FOXP1: variants seen among roughly 807,000 people sequenced by gnomAD.
FOXP1 encodes the protein forkhead box protein P1.
Under a neutral mutation model 98.2 loss-of-function variants are expected in FOXP1, and 15 were observed. The ratio of observed to expected loss-of-function variants is 0.15; its 90% CI spans 0.10 to 0.24. FOXP1 has a LOEUF of 0.24. Ranked by LOEUF, FOXP1 falls within the 10% of genes least tolerant of loss-of-function variation. The pLI is 1.00. For synonymous variants in FOXP1, 371 were observed against 314.5 expected, an observed-to-expected ratio of 1.18 and a Z score of -1.90; for missense variants, 633 against 848.5, an observed-to-expected ratio of 0.75 and a Z score of 3.15.
At position 71,193,472 on chromosome 3, in the gene FOXP1, A is replaced by G. The variant is rs1175119371; in HGVS notation, c.180+4730T>C. On this transcript the variant is annotated intron_variant, in intron 6 of 20. Transcript: ENST00000649528. Reference sequence around the variant, plus strand: ...CGTTATTTGTTTTTTTTTTTTAGACATATTCTCACTTTGTCGCCCAGGCTG... The same window carrying G: ...CGTTATTTGTTTTTTTTTTTTAGACGTATTCTCACTTTGTCGCCCAGGCTG... Among the ~76,000 whole-genome samples the G allele has an allele frequency of 4.1e-5, 3 of 72,884 alleles. 1 individual carries two copies. The Admixed American group carries it at 4.3e-4, about 10-fold the overall frequency. The allele number at this position is 72,884 out of a possible 152,430, so 47.8% of individuals were successfully genotyped here.
At chr3:71,459,158 G>T (rs901681298) in intron 3 of FOXP1, among the ~76,000 whole-genome samples, 2 of 152,116 alleles carry the variant, frequency 1.3e-5, no homozygotes, top group Non-Finnish European at 2.9e-5. Flanking sequence ...CACAAATCAA[G>T]GTGCTAGTAG....
chr3:71,358,393 C>T (rs2078316884), intron 4 of FOXP1, among the ~76,000 whole-genome samples: 1 of 152,190 alleles, frequency 6.6e-6, no homozygotes, highest in Admixed American at 6.5e-5. Flanking sequence ...TTCCCCCACA[C>T]TCATTTCGCT....
chr3:71,333,491 T>A (rs1424707377), intron 4 of FOXP1: 1 of 152,178 alleles, frequency 6.6e-6, no homozygotes, highest in East Asian at 1.9e-4. Flanking sequence ...CAAAATGAGC[T>A]AAAAGACATT....
intron 5 of FOXP1, among the ~76,000 whole-genome samples, chr3:71,260,276 C>A (rs557817012): frequency 6.6e-6 from 1 of 152,176 alleles, no homozygotes; most frequent in Non-Finnish European, 1.5e-5. Context: ...AGCCACCGCG[C>A]CCGGCCAACA....
intron 7 of FOXP1, among the ~76,000 whole-genome samples, chr3:71,075,716 G>GT (rs59622548): frequency 1.6e-3 from 227 of 146,204 alleles, no homozygotes; most frequent in South Asian, 3.5e-3. Flanking sequence ...GGTTTTTTTT[G>GT]TTTTTTTTTT....
chr3:71,318,908 T>A (rs1352892365), intron 4 of FOXP1, among the ~76,000 whole-genome samples: 1 of 152,170 alleles, frequency 6.6e-6, no homozygotes, highest in Non-Finnish European at 1.5e-5. Context: ...ACACCATAAA[T>A]TAACATGGTT....
At chr3:71,315,266 T>G (rs1334570303) in intron 4 of FOXP1, among the ~76,000 whole-genome samples, 1 of 152,200 alleles carries the variant, frequency 6.6e-6, no homozygotes, top group South Asian at 2.1e-4. Context: ...AGAACCACTT[T>G]CCAGCCACAC....
intron 4 of FOXP1, among the ~76,000 whole-genome samples, chr3:71,346,871 C>T (rs938516176): frequency 2.6e-5 from 4 of 152,016 alleles, no homozygotes; most frequent in African/African-American, 7.2e-5. Context: ...TGGTGAAACC[C>T]GTCTCTACTA....
intron 18 of FOXP1, 199 bp from the exon 19 acceptor site, chr3:70,971,004 C>G: frequency 1.7e-6 from 1 of 583,382 alleles, no homozygotes; most frequent in Non-Finnish European, 3.1e-6. Context: ...TTGGACTTCT[C>G]TATTCAAGGA....
chr3:71,147,201 C>T (rs1163070939), intron 6 of FOXP1, among the ~76,000 whole-genome samples: 2 of 152,208 alleles, frequency 1.3e-5, no homozygotes, highest in Non-Finnish European at 2.9e-5. Flanking sequence ...CTTCTTGCCC[C>T]CTATAATCTC....
At chr3:71,220,582 T>C (rs1198179593) in intron 5 of FOXP1, among the ~76,000 whole-genome samples, 1 of 149,708 alleles carries the variant, frequency 6.7e-6, no homozygotes, top group African/African-American at 2.5e-5. Flanking sequence ...ACTCTGTCTC[T>C]ATCAAAAATA....
chr3:71,165,340 G>A (rs1019823239), intron 6 of FOXP1, among the ~76,000 whole-genome samples: 3 of 150,326 alleles, frequency 2.0e-5, no homozygotes, highest in South Asian at 4.2e-4. Flanking sequence ...TTTAATGAAC[G>A]TTTACCTCAT....
intron 7 of FOXP1, among the ~76,000 whole-genome samples, chr3:71,062,768 C>CA: frequency 6.6e-6 from 1 of 152,328 alleles, no homozygotes; most frequent in African/African-American, 2.4e-5. Flanking sequence ...GTTCTTAAGG[C>CA]AAACGGGTGA....
chr3:71,100,548 T>C (rs1254528120), intron 7 of FOXP1, among the ~76,000 whole-genome samples: 2 of 152,216 alleles, frequency 1.3e-5, no homozygotes, highest in Non-Finnish European at 2.9e-5. Context: ...GGTGGAGAAC[T>C]TAGGAACGGG....
At chr3:70,980,114 G>GACAC (rs2038559520) in intron 14 of FOXP1, among the ~76,000 whole-genome samples, 1 of 152,140 alleles carries the variant, frequency 6.6e-6, no homozygotes, top group Non-Finnish European at 1.5e-5. Context: ...CTGGCTTTCT[G>GACAC]ACACACATTT....
intron 14 of FOXP1, among the ~76,000 whole-genome samples, chr3:70,979,608 TAAGTCTATTTCACC>T (rs1483114365): frequency 6.6e-6 from 1 of 152,048 alleles, no homozygotes; most frequent in Non-Finnish European, 1.5e-5. Context: ...CTTACCATAG[TAAGTCTATTTCACC>T]AAGTCTAATT....
At chr3:71,383,871 T>C (rs1039247845) in intron 3 of FOXP1, among the ~76,000 whole-genome samples, 3 of 151,954 alleles carry the variant, frequency 2.0e-5, no homozygotes, top group African/African-American at 7.3e-5. Flanking sequence ...GTCAGGCAAT[T>C]TGGAGGTCAT....
At chr3:71,251,125 T>C (rs1044617763) in intron 5 of FOXP1, among the ~76,000 whole-genome samples, 1 of 152,200 alleles carries the variant, frequency 6.6e-6, no homozygotes, top group Admixed American at 6.5e-5. Context: ...GTGCACTCTT[T>C]AAGAAGCTAG....
rs546662864 is a variant in FOXP1, at chr3:71,318,417, G to A, written c.-72-18537C>T. ...ACTATTCAATTAATAAATTACTTTG[G>A]TGGACCTTGCAGGCCAAGTCCTATT... On this transcript the variant is annotated intron_variant, in intron 4 of 20. Coordinates refer to ENST00000649528, the MANE Select transcript of FOXP1 (RefSeq NM_001349338.3). Among the ~76,000 whole-genome samples the A allele has an allele frequency of 3.0e-4, 46 of 152,218 alleles. 1 individual carries two copies. In the South Asian group the frequency reaches 9.1e-3, roughly 30 times the overall value.
Sources: allele counts gnomAD v4.1 joint callset (sites outside exome capture counted in the v4.1 genomes callset), GRCh38; gene constraint gnomAD v4.1.1; transcripts MANE v1.5; gene names NCBI Gene and HGNC (gene_info 2026-07-23, HGNC 2026-07-21).